The following ZDHHC14 variants were observed in gnomAD, a reference collection of about 807,000 sequenced individuals.
The protein encoded by ZDHHC14 is palmitoyltransferase ZDHHC14.
ZDHHC14 carries 16 observed loss-of-function variants against 47.7 expected under a neutral mutation model. The observed-to-expected ratio is 0.34, with a 90% CI of 0.23 to 0.51. ZDHHC14 has a LOEUF of 0.51. Ranked by LOEUF, ZDHHC14 falls within the 20% of genes least tolerant of loss-of-function variation. The pLI is 0.97. For synonymous variants in ZDHHC14, 293 were observed against 278.9 expected (o/e 1.05, Z -0.50); for missense variants, 515 against 662.5 (o/e 0.78, Z 2.44).
At chr6:157,529,991 T>C (rs980051650) in intron 1 of ZDHHC14, among the ~76,000 whole-genome samples, 2 of 152,210 alleles carry the variant, frequency 1.3e-5, no homozygotes, top group South Asian at 2.1e-4. Flanking sequence ...ACCAATGTCA[T>C]AGACAATTAG....
rs186946398 is a variant in ZDHHC14 at position 157,561,315 on chromosome 6, G to A, written c.406+18570G>A. Reference sequence around the variant, plus strand: ...CAAACACCTGCTGAGCAGCTGGCACGTGCCAGGACACGGTCTAGGCTGAAG... The same window carrying A: ...CAAACACCTGCTGAGCAGCTGGCACATGCCAGGACACGGTCTAGGCTGAAG... On this transcript the variant is annotated intron_variant, in intron 2 of 8. Coordinates refer to ENST00000359775, the MANE Select transcript of ZDHHC14 (RefSeq NM_024630.3). Among the ~76,000 whole-genome samples, 125 of 152,334 alleles carry A rather than the reference G, an allele frequency of 8.2e-4. 2 individuals are homozygous for A. The highest frequency in any genetic ancestry group is 2.8e-3 in the African/African-American group (116 of 41,584).
rs183521083 is a variant in ZDHHC14, at chr6:157,412,604, G to A, written c.245+30338G>A. ...CACCGTGCCCGGCCAATAGAATGCA[G>A]TTTGCAGTGGGAATTGTCTTAGCTT... On this transcript the variant is annotated intron_variant, in intron 1 of 8. Transcript: ENST00000359775. Among the ~76,000 whole-genome samples the A allele has an allele frequency of 5.2e-3, 797 of 152,296 alleles. 3 individuals are homozygous for A. Among genetic ancestry groups the A allele is most frequent in the Non-Finnish European group, 6.3e-3 (429 of 68,022 alleles).
At chr6:157,445,105 TAC>T (rs533031947) in intron 1 of ZDHHC14, among the ~76,000 whole-genome samples, 5,691 of 131,636 alleles carry the variant, frequency 0.043, 266 homozygotes, top group African/African-American at 0.12. Flanking sequence ...TGCCAGATAT[TAC>T]ACACACACAC....
chr6:157,483,652 T>G (rs922428872), intron 1 of ZDHHC14, among the ~76,000 whole-genome samples: 4 of 152,190 alleles, frequency 2.6e-5, no homozygotes, highest in Admixed American at 2.0e-4. Flanking sequence ...GCAATTTTTA[T>G]TGTTGCTGTC....
intron 1 of ZDHHC14, among the ~76,000 whole-genome samples, chr6:157,407,391 T>TG (rs201922170): frequency 0.022 from 3,407 of 152,208 alleles, 140 homozygotes; most frequent in African/African-American, 0.078. Flanking sequence ...TAGGATTCAT[T>TG]GGGGATGAAA....
intron 3 of ZDHHC14, among the ~76,000 whole-genome samples, chr6:157,606,603 G>A (rs931409010): frequency 5.9e-5 from 9 of 152,254 alleles, no homozygotes; most frequent in Admixed American, 5.9e-4. Flanking sequence ...ATGGCCTCGA[G>A]AGAATGAGTT....
chr6:157,452,258 T>TA (rs1166993856), intron 1 of ZDHHC14, among the ~76,000 whole-genome samples: 5 of 149,148 alleles, frequency 3.4e-5, no homozygotes, highest in African/African-American at 9.7e-5. Flanking sequence ...TTTTTTTTTT[T>TA]TATAACTAGA....
rs1328284516 is a variant in ZDHHC14 at position 157,502,740 on chromosome 6, G to C, written c.246-39845G>C. Among the ~76,000 whole-genome samples, 1 of 152,134 alleles carries C rather than the reference G, an allele frequency of 6.6e-6. No individual in the cohort carries two copies. Among genetic ancestry groups the C allele is most frequent in the Non-Finnish European group, 1.5e-5 (1 of 68,030 alleles). ...GGGTCTTGCTCTGTCACCCAGGCTG[G>C]AGTGCAGTGGCATGATCTTGGCTCA... is the stretch of plus-strand genomic sequence containing the variant. On this transcript the variant is annotated intron_variant, in intron 1 of 8. Coordinates refer to ENST00000359775, the MANE Select transcript of ZDHHC14 (RefSeq NM_024630.3). This position sits in a 1 kb window ranked among gnomAD's most constrained non-coding sequence, Gnocchi z 4.0.
chr6:157,533,969 A>G (rs762984346), intron 1 of ZDHHC14, among the ~76,000 whole-genome samples: 1 of 152,262 alleles, frequency 6.6e-6, no homozygotes, highest in Non-Finnish European at 1.5e-5. Context: ...CCTTGTGGTT[A>G]GGGAATATTA....
intron 1 of ZDHHC14, among the ~76,000 whole-genome samples, chr6:157,522,920 C>CCTTCCTTT (rs1162211582): frequency 3.1e-5 from 1 of 32,052 alleles, no homozygotes; most frequent in South Asian, 7.7e-4. Flanking sequence ...TTCCTTCCTT[C>CCTTCCTTT]CTTTCTTTCT....
intron 5 of ZDHHC14, among the ~76,000 whole-genome samples, chr6:157,644,145 T>C (rs1033198689): frequency 1.3e-5 from 2 of 152,194 alleles, no homozygotes; most frequent in African/African-American, 4.8e-5. Flanking sequence ...GGCTCCCGCA[T>C]TGTGTTCCCT....
chr6:157,465,898 CGGGCAT>C, intron 1 of ZDHHC14, among the ~76,000 whole-genome samples: 1 of 152,216 alleles, frequency 6.6e-6, no homozygotes, highest in South Asian at 2.1e-4. Flanking sequence ...AAAAATTAGC[CGGGCAT>C]GGTGGCGGGT....
chr6:157,485,942 A>G (rs1273941797), intron 1 of ZDHHC14, among the ~76,000 whole-genome samples: 3 of 152,134 alleles, frequency 2.0e-5, no homozygotes, highest in Non-Finnish European at 4.4e-5. Context: ...GAACCCAGGA[A>G]GTGGAGGTTG....
chr6:157,652,549 A>G (rs995382658), intron 7 of ZDHHC14, among the ~76,000 whole-genome samples: 1 of 151,960 alleles, frequency 6.6e-6, no homozygotes, highest in African/African-American at 2.4e-5. Context: ...CACTGGGGAG[A>G]AAAAAAAGGC....
intron 1 of ZDHHC14, among the ~76,000 whole-genome samples, chr6:157,434,218 TTA>T (rs373321908): frequency 1.4e-4 from 20 of 146,468 alleles, no homozygotes; most frequent in South Asian, 6.5e-4. Context: ...GCTTATAATT[TTA>T]TATATATATA....
At chr6:157,459,878 C>T (rs1021471603) in intron 1 of ZDHHC14, among the ~76,000 whole-genome samples, 1 of 151,960 alleles carries the variant, frequency 6.6e-6, no homozygotes, top group Non-Finnish European at 1.5e-5. Context: ...AGTTTGAGAC[C>T]AGCCTGGGCA....
chr6:157,607,120 T>C (rs935280194), intron 3 of ZDHHC14, among the ~76,000 whole-genome samples: 3 of 152,244 alleles, frequency 2.0e-5, no homozygotes, highest in Admixed American at 6.5e-5. Flanking sequence ...TTGCTTTCTT[T>C]TGTCATCTCA....
rs116454623 is a variant in ZDHHC14, at chr6:157,663,724, G to A, written c.1069-9000G>A. Among the ~76,000 whole-genome samples, 1,365 of 152,178 alleles carry A rather than the reference G, an allele frequency of 9.0e-3. 26 individuals are homozygous for A. The highest frequency in any genetic ancestry group is 0.031 in the African/African-American group (1,301 of 41,500). The stretch of plus-strand genomic sequence containing the variant: ...TGGCGCTAAACGGAACATGAGGCCC[G>A]ATGCTCTTTCCCGACTCTCCTCTTT... On this transcript the variant is annotated intron_variant, in intron 8 of 8. Transcript: ENST00000359775.
intron 2 of ZDHHC14, among the ~76,000 whole-genome samples, chr6:157,589,028 T>A (rs1582984508): frequency 6.6e-6 from 1 of 152,102 alleles, no homozygotes; most frequent in African/African-American, 2.4e-5. Context: ...TGAGGCTGGG[T>A]AATTTATAAA....
Sources: allele counts gnomAD v4.1 joint callset (sites outside exome capture counted in the v4.1 genomes callset), GRCh38; gene constraint gnomAD v4.1.1; non-coding constraint Gnocchi (gnomAD v3.1); transcripts MANE v1.5; gene names NCBI Gene and HGNC (gene_info 2026-07-23, HGNC 2026-07-21).